Variants in UBR3 observed in about 807,000 individuals in gnomAD.
UBR3 encodes ubiquitin protein ligase E3 component n-recognin 3.
A neutral mutation model predicts 243.2 loss-of-function variants in UBR3; 85 were observed. The observed-to-expected ratio is 0.35, with a 90% CI of 0.29 to 0.42. The LOEUF (loss-of-function observed/expected upper bound fraction) is 0.42. Among genes scored for constraint, UBR3 ranks in the 10% least tolerant of loss-of-function variants. UBR3 has a pLI of 1.00. For missense variants in UBR3, 1,686 were observed against 2,300.8 expected (o/e 0.73, Z 5.47); for synonymous variants, 748 against 799.8 (o/e 0.94, Z 1.09).
In UBR3 at chr2:169,828,017, C is replaced by T; in HGVS notation, c.510C>T (p.Cys170=). Residue 170 remains cysteine (C), a synonymous_variant, in exon 1 of 39, where the codon TGC becomes TGT. Coordinates refer to ENST00000272793, the MANE Select transcript of UBR3 (RefSeq NM_172070.4). Reference sequence around the variant, plus strand: ...TCCGCAGCCAGGCCGGGGGCGCCTGCGACTGCGGGGACAGCAACGTGATGC... The same window carrying T: ...TCCGCAGCCAGGCCGGGGGCGCCTGTGACTGCGGGGACAGCAACGTGATGC... The part of the protein sequence containing the change: ...NMFRSQAGGA[C]DCGDSNVMRE... 1.4e-6 allele frequency: 2 copies of T among 1,407,686 alleles called. No individual in the cohort carries two copies. Among genetic ancestry groups the T allele is most frequent in the Non-Finnish European group, 1.9e-6 (2 of 1,074,142 alleles). The allele number at this position is 1,407,686 out of a possible 1,614,324, so 87.2% of individuals were successfully genotyped here.
intron 11 of UBR3, among the ~76,000 whole-genome samples, chr2:169,922,615 C>T (rs1181089382): frequency 6.6e-6 from 1 of 152,122 alleles, no homozygotes; most frequent in East Asian, 1.9e-4. Flanking sequence ...TCCTCTTCCC[C>T]CAGCTTCTGG....
At chr2:170,043,026 C>G (rs983554515) in intron 32 of UBR3, among the ~76,000 whole-genome samples, 3 of 152,010 alleles carry the variant, frequency 2.0e-5, no homozygotes, top group African/African-American at 7.2e-5. Context: ...TTGGATCATG[C>G]TGGTTTACTC....
chr2:169,926,697 T>C lies in UBR3; in HGVS notation c.2157T>C (p.Cys719=). The part of the protein sequence containing the change: ...IDPDIYLLQV[C]ASRLDPDYFI... The stretch of plus-strand genomic sequence containing the variant: ...CATTTTGTTTTCTTTTAAAGGTTTG[T>C]GCTTCTAGACTTGACCCAGATTATT... Residue 719 remains cysteine (C), a synonymous_variant, in exon 15 of 39, where the codon TGT becomes TGC. Transcript: ENST00000272793. 1 of 1,547,416 alleles carries C rather than the reference T, an allele frequency of 6.5e-7. No homozygotes were observed.
At chr2:170,064,537 G>A (rs1451430491) in intron 35 of UBR3, among the ~76,000 whole-genome samples, 1 of 151,874 alleles carries the variant, frequency 6.6e-6, no homozygotes, top group Non-Finnish European at 1.5e-5. Context: ...ATTTTGTGGT[G>A]TGGTATGAGG....
chr2:169,925,158 A>G (rs1172132420), intron 13 of UBR3, among the ~76,000 whole-genome samples: 1 of 152,254 alleles, frequency 6.6e-6, no homozygotes, highest in Admixed American at 6.5e-5. Flanking sequence ...AATTAGCAGT[A>G]TAGATTTAAG....
rs1440747494 is a variant in UBR3 at position 170,073,545 on chromosome 2, A to G, written c.5137A>G (p.Ile1713Val). ...CLDWPVPAFD[I>V]ITQWCFEIKS... is the part of the protein sequence containing the mutation. The stretch of plus-strand genomic sequence containing the variant: ...GGATTGGCCAGTTCCAGCATTTGAT[A>G]TTATAACTCAGTGGTGTTTTGAGAT... Residue 1713 changes from isoleucine (I) to valine (V), a missense_variant, in exon 36 of 39, where the codon ATT becomes GTT. Ile to Val is a conservative substitution (Grantham distance 29). This residue lies in a region of UBR3 where 371 missense variants were observed against 422.5 expected (regional missense o/e 0.88). Transcript: ENST00000272793. The G allele has an allele frequency of 6.2e-7, 1 of 1,613,726 alleles. No homozygotes were observed. The highest frequency in any genetic ancestry group is 1.1e-5 in the South Asian group (1 of 91,040).
At chr2:170,071,389 A>G (rs1039279768) in intron 35 of UBR3, among the ~76,000 whole-genome samples, 2 of 152,180 alleles carry the variant, frequency 1.3e-5, no homozygotes, top group African/African-American at 4.8e-5. Flanking sequence ...GAGGCCAGGT[A>G]CATAAGATTA....
At chr2:169,907,300 T>C (rs1380724447) in intron 10 of UBR3, among the ~76,000 whole-genome samples, 3 of 152,136 alleles carry the variant, frequency 2.0e-5, no homozygotes, top group Non-Finnish European at 4.4e-5. Context: ...TGTAGGTACA[T>C]GAATTTTCTC....
chr2:169,945,779 T>A (rs962914042), intron 20 of UBR3, among the ~76,000 whole-genome samples: 1 of 152,184 alleles, frequency 6.6e-6, no homozygotes, highest in Non-Finnish European at 1.5e-5. Flanking sequence ...GTCAGATGTA[T>A]CAAATTTTCC....
chr2:169,935,914 T>G (rs2086309743), intron 19 of UBR3, among the ~76,000 whole-genome samples: 1 of 152,150 alleles, frequency 6.6e-6, no homozygotes, highest in Non-Finnish European at 1.5e-5. Flanking sequence ...AACAAAGAAA[T>G]GAAGTAAAAT....
chr2:169,980,609 C>G (rs992594722), intron 24 of UBR3, among the ~76,000 whole-genome samples: 2 of 151,102 alleles, frequency 1.3e-5, no homozygotes, highest in Non-Finnish European at 2.9e-5. Flanking sequence ...TTGCCCAGAT[C>G]TTGGTTTCTT....
chr2:169,918,741 G>A (rs2085565211), intron 11 of UBR3, among the ~76,000 whole-genome samples: 1 of 152,136 alleles, frequency 6.6e-6, no homozygotes, highest in Admixed American at 6.5e-5. Flanking sequence ...ATATCATGTA[G>A]GGCAACAATT....
chr2:170,001,310 T>C lies in UBR3; in HGVS notation c.3925T>C (p.Cys1309Arg). The C allele has an allele frequency of 6.2e-7, 1 of 1,609,118 alleles. No homozygotes were observed. Among genetic ancestry groups the C allele is most frequent in the Non-Finnish European group, 8.5e-7 (1 of 1,175,756 alleles). The stretch of plus-strand genomic sequence containing the variant: ...TCTTCTTTTTATTTTGAAGAGTTCA[T>C]GTCTCTTGGCAGTATCAATTGGCTG... ...LLQRYFKDSS[C>R]LLAVSIGWEG... The change falls in exon 27 of 39, where the codon TGT (cysteine) becomes CGT (arginine). Residue 1309 changes from cysteine to arginine, a missense_variant. Physicochemically the swap from Cys to Arg is radical, Grantham distance 180 (BLOSUM62 -3). Coordinates refer to ENST00000272793, the MANE Select transcript of UBR3 (RefSeq NM_172070.4).
intron 22 of UBR3, among the ~76,000 whole-genome samples, chr2:169,948,614 A>G (rs1482143633): frequency 1.3e-5 from 2 of 152,070 alleles, no homozygotes; most frequent in Admixed American, 6.6e-5. Context: ...GTCTTTGACA[A>G]CGTGTTTTCA....
At chr2:169,986,543 A>G (rs1182061186) in intron 24 of UBR3, 102 bp from the exon 25 acceptor site, 25 of 1,101,582 alleles carry the variant, frequency 2.3e-5, no homozygotes, top group Non-Finnish European at 3.1e-5. Flanking sequence ...CTTTATTGAT[A>G]TTGAAGCTAA....
intron 8 of UBR3, among the ~76,000 whole-genome samples, chr2:169,902,241 G>A (rs2084852811): frequency 6.6e-6 from 1 of 152,114 alleles, no homozygotes; most frequent in Admixed American, 6.5e-5. Flanking sequence ...CTTCATCACT[G>A]CATCTTTTTG....
At chr2:170,017,912 G>A (rs1293785312) in intron 30 of UBR3, among the ~76,000 whole-genome samples, 3 of 152,032 alleles carry the variant, frequency 2.0e-5, no homozygotes, top group South Asian at 2.1e-4. Context: ...TCTTTAGAAC[G>A]ACCATGTGAA....
chr2:169,898,192 T>A (rs1415036184), intron 8 of UBR3, among the ~76,000 whole-genome samples: 1 of 152,184 alleles, frequency 6.6e-6, no homozygotes, highest in Non-Finnish European at 1.5e-5. Flanking sequence ...GGAGGAGAAA[T>A]CTTATAGTTG....
chr2:169,914,149 ATGTATATTTT>A lies in UBR3; in HGVS notation c.1866+6_1866+15del. ...ATGCTATTAACTTCGTAGACGAGGT[ATGTATATTTT>A]TGATGTATGTAAATTTTTTGATGTA... On this transcript the variant is annotated splice_donor_5th_base_variant and intron_variant, in intron 11 of 38. Transcript: ENST00000272793. 6.7e-7 allele frequency: 1 copy of A among 1,484,736 alleles called. No homozygotes were observed. The highest frequency in any genetic ancestry group is 1.4e-5 in the South Asian group (1 of 72,348). 92.0% of individuals were successfully genotyped at this position (1,484,736 alleles called of 1,614,324 possible). A position where few individuals can be genotyped will look rare whatever the true frequency, so the allele number is the denominator to read the frequency against.
Sources: gnomAD v4.1 joint callset for allele counts (sites outside exome capture counted in the v4.1 genomes callset) on GRCh38, gnomAD v4.1.1 for gene constraint, gnomAD v4.1.1 regional missense constraint, MANE v1.5 for transcripts, NCBI Gene and HGNC (gene_info 2026-07-23, HGNC 2026-07-21) for gene names.